ARHGAP24: variants seen among roughly 807,000 people sequenced by gnomAD.
The protein encoded by ARHGAP24 is Rho GTPase activating protein 24, also known as rho GTPase-activating protein 24.
In ARHGAP24, 50 loss-of-function variants were observed where a neutral mutation model predicts 76.4. The ratio of observed to expected loss-of-function variants is 0.65; its 90% CI spans 0.52 to 0.83. The LOEUF (loss-of-function observed/expected upper bound fraction) is 0.83, where lower values mean the gene tolerates loss of function less well. Ranked by LOEUF, ARHGAP24 falls within the 40% of genes least tolerant of loss-of-function variation. The pLI, the probability that ARHGAP24 is intolerant of heterozygous loss-of-function variation, is 0.00. For missense variants in ARHGAP24, 930 were observed against 914.2 expected, an observed-to-expected ratio of 1.02 and a Z score of -0.22; for synonymous variants, 345 against 323.3, an observed-to-expected ratio of 1.07 and a Z score of -0.72.
intron 2 of ARHGAP24, among the ~76,000 whole-genome samples, chr4:85,660,492 C>A (rs941470791): frequency 3.3e-5 from 5 of 151,982 alleles, no homozygotes; most frequent in Admixed American, 6.6e-5. Context: ...GAGGAATTGG[C>A]TGAATTAATT....
chr4:85,661,582 A>G (rs1722387539), intron 2 of ARHGAP24, among the ~76,000 whole-genome samples: 1 of 151,986 alleles, frequency 6.6e-6, no homozygotes, highest in South Asian at 2.1e-4. Context: ...TTAGTTACAT[A>G]TGTATACATG....
chr4:85,564,406 G>C (rs998875010), intron 1 of ARHGAP24, among the ~76,000 whole-genome samples: 3 of 143,160 alleles, frequency 2.1e-5, no homozygotes, highest in Admixed American at 6.8e-5. Context: ...GGTGGGGGGA[G>C]CGGGGGGGAT....
In ARHGAP24 at chr4:85,683,253, A is replaced by C. The variant is rs971742032; in HGVS notation, c.181-38632A>C. ...GCATGGTAGGGAAAGGGAATGTATT[A>C]TTTCCATTATCAACCTTTCCATCTG... On this transcript the variant is annotated intron_variant, in intron 2 of 9. Coordinates refer to ENST00000395184, the MANE Select transcript of ARHGAP24 (RefSeq NM_001025616.3). Among the ~76,000 whole-genome samples the C allele has an allele frequency of 6.9e-4, 105 of 152,098 alleles. 1 individual carries two copies. Among genetic ancestry groups the C allele is most frequent in the African/African-American group, 2.5e-3 (102 of 41,508 alleles).
At chr4:85,511,369 T>G (rs1363774623) in intron 1 of ARHGAP24, among the ~76,000 whole-genome samples, 1 of 152,146 alleles carries the variant, frequency 6.6e-6, no homozygotes, top group Admixed American at 6.5e-5. Context: ...CTGTATTAGT[T>G]TTCTAGGGTT....
At chr4:85,637,924 T>G (rs1470835531) in intron 2 of ARHGAP24, among the ~76,000 whole-genome samples, 1 of 152,122 alleles carries the variant, frequency 6.6e-6, no homozygotes, top group Non-Finnish European at 1.5e-5. Flanking sequence ...GTGGTTTGCA[T>G]TCCTGTTCCT....
chr4:85,979,158 G>T (rs185719999), intron 8 of ARHGAP24, among the ~76,000 whole-genome samples: 1 of 152,224 alleles, frequency 6.6e-6, no homozygotes, highest in African/African-American at 2.4e-5. Context: ...TGTTTGATCT[G>T]CTTGGCGTGA....
intron 3 of ARHGAP24, among the ~76,000 whole-genome samples, chr4:85,831,904 A>G: frequency 6.6e-6 from 1 of 151,504 alleles, no homozygotes; most frequent in East Asian, 1.9e-4. Flanking sequence ...TCTATCTAAA[A>G]AAAAAAAAAA....
At chr4:85,627,095 G>C (rs1312335157) in intron 2 of ARHGAP24, among the ~76,000 whole-genome samples, 1 of 152,112 alleles carries the variant, frequency 6.6e-6, no homozygotes, top group South Asian at 2.1e-4. Flanking sequence ...TCTCTTTCCA[G>C]CTTTGTTCTA....
intron 3 of ARHGAP24, among the ~76,000 whole-genome samples, chr4:85,912,895 A>G (rs573553253): frequency 2.0e-5 from 3 of 151,792 alleles, no homozygotes; most frequent in Admixed American, 6.6e-5. Flanking sequence ...TGTTTTCTGT[A>G]TTTGTAAAGT....
intron 3 of ARHGAP24, among the ~76,000 whole-genome samples, chr4:85,815,049 C>G (rs1729177086): frequency 6.6e-6 from 1 of 152,168 alleles, no homozygotes; most frequent in Admixed American, 6.5e-5. Flanking sequence ...GGCCCGAGCT[C>G]TACATTGGCA....
At chr4:85,564,971 C>CATA (rs1459623970) in intron 1 of ARHGAP24, among the ~76,000 whole-genome samples, 2 of 97,564 alleles carry the variant, frequency 2.0e-5, no homozygotes, top group African/African-American at 7.2e-5. Context: ...TATATATATA[C>CATA]CCACACCCAC....
intron 1 of ARHGAP24, among the ~76,000 whole-genome samples, chr4:85,505,915 G>A (rs1454614114): frequency 6.6e-6 from 1 of 151,692 alleles, no homozygotes; most frequent in African/African-American, 2.4e-5. Flanking sequence ...TGGTGTAGAT[G>A]TACTTTTTGT....
intron 1 of ARHGAP24, among the ~76,000 whole-genome samples, chr4:85,491,111 C>T (rs1448915472): frequency 6.6e-6 from 1 of 152,134 alleles, no homozygotes; most frequent in Non-Finnish European, 1.5e-5. Flanking sequence ...TGATCAATTA[C>T]CTTATTATCT....
chr4:85,570,667 G>A lies in ARHGAP24; in HGVS notation c.126G>A (p.Val42=), dbSNP rs752256309. The part of the protein sequence containing the change: ...FVKTWHTRWF[V]LKGDQLYYFK... Reference sequence around the variant, plus strand: ...AGACTTGGCATACTCGCTGGTTTGTGCTCAAGGGGGATCAGCTCTATTATT... The same window carrying A: ...AGACTTGGCATACTCGCTGGTTTGTACTCAAGGGGGATCAGCTCTATTATT... The change falls in exon 2 of 10, where the codon GTG becomes GTA. Residue 42 remains valine, a synonymous_variant. Transcript: ENST00000395184. 1 of 1,614,070 alleles carries A rather than the reference G, an allele frequency of 6.2e-7. No individual in the cohort carries two copies. Among genetic ancestry groups the A allele is most frequent in the East Asian group, 2.2e-5 (1 of 44,872 alleles).
At chr4:85,493,015 T>C (rs1272317137) in intron 1 of ARHGAP24, among the ~76,000 whole-genome samples, 2 of 152,206 alleles carry the variant, frequency 1.3e-5, no homozygotes, top group Non-Finnish European at 2.9e-5. Context: ...AGTGACCAGG[T>C]ATTTTGGAGA....
chr4:85,650,400 G>A (rs1366433368), intron 2 of ARHGAP24, among the ~76,000 whole-genome samples: 2 of 149,278 alleles, frequency 1.3e-5, no homozygotes, highest in African/African-American at 5.2e-5. Context: ...AGACTGCTTG[G>A]GTTTCAGCCC....
At chr4:85,799,685 T>C (rs7699404) in intron 3 of ARHGAP24, among the ~76,000 whole-genome samples, 79,768 of 151,966 alleles carry the variant, frequency 0.52, 21,052 homozygotes, top group Middle Eastern at 0.61. Context: ...CAAGTATCTC[T>C]TTTCAAATAT....
At chr4:85,557,305 A>G (rs1332380715) in intron 1 of ARHGAP24, among the ~76,000 whole-genome samples, 1 of 152,150 alleles carries the variant, frequency 6.6e-6, no homozygotes, top group Non-Finnish European at 1.5e-5. Context: ...GACCTTCCCC[A>G]TTGCTGGACC....
chr4:85,700,405 AAATAAATAAATAAAG>A (rs1242058169), intron 2 of ARHGAP24, among the ~76,000 whole-genome samples: 1 of 85,642 alleles, frequency 1.2e-5, no homozygotes, highest in Non-Finnish European at 3.6e-5. Flanking sequence ...AAAAAAAAAA[AAATAAATAAATAAAG>A]AAGAAGAAGA....
Sources: allele counts gnomAD v4.1 joint callset (sites outside exome capture counted in the v4.1 genomes callset), GRCh38; gene constraint gnomAD v4.1.1; transcripts MANE v1.5; gene names NCBI Gene and HGNC (gene_info 2026-07-23, HGNC 2026-07-21).